Variants in PPP2R3B observed in about 807,000 individuals in gnomAD.
The protein encoded by PPP2R3B is protein phosphatase 2 regulatory subunit B''beta, also known as serine/threonine-protein phosphatase 2A regulatory subunit B'' subunit beta.
A neutral mutation model predicts 72.9 loss-of-function variants in PPP2R3B; 68 were observed. The observed-to-expected ratio is 0.93, with a 90% CI of 0.77 to 1.14. The LOEUF is 1.14. Among genes scored for constraint, PPP2R3B ranks in the 50% most tolerant of loss-of-function variants. The probability of loss-of-function intolerance (pLI) is 0.00; values close to 1 mark genes in which losing one functional copy is unlikely to be tolerated. For synonymous variants in PPP2R3B, 466 were observed against 375.8 expected (o/e 1.24, Z -2.78); for missense variants, 1,018 against 842.0 (o/e 1.21, Z -2.59).
chrX:346,089 GA>G (rs1380509022), intron 6 of PPP2R3B, 84 bp downstream of exon 6: 21 of 631,212 alleles, frequency 3.3e-5, no homozygotes, highest in Non-Finnish European at 4.3e-5. Context: ...GGGGAGGAGG[GA>G]GGGGGGAGGA....
In PPP2R3B at chrX:334,264, C is replaced by T. The variant is rs764092405; in HGVS notation, c.*103G>A. ...GTGAATAAATAAAAGTTTATCATTC[C>T]GTACAAACGCACTCATTTTCCACAA... On this transcript the variant is annotated 3_prime_UTR_variant, in exon 13 of 13. Transcript: ENST00000390665. The T allele has an allele frequency of 2.8e-4, 354 of 1,262,836 alleles. 1 individual carries two copies. Among genetic ancestry groups the T allele is most frequent in the Middle Eastern group, 1.2e-3 (4 of 3,436 alleles). 78.2% of individuals were successfully genotyped at this position (1,262,836 alleles called of 1,614,324 possible).
intron 1 of PPP2R3B, among the ~76,000 whole-genome samples, chrX:371,589 C>T (rs2071865801): frequency 6.6e-6 from 1 of 152,074 alleles, no homozygotes; most frequent in Non-Finnish European, 1.5e-5. Context: ...CCAACGTTGG[C>T]CGTGGAAGGC....
chrX:372,100 T>C (rs745548169), intron 1 of PPP2R3B, among the ~76,000 whole-genome samples: 3 of 152,212 alleles, frequency 2.0e-5, no homozygotes, highest in East Asian at 3.9e-4. Context: ...AATCACCTCA[T>C]TGACTCTGCG....
chrX:380,411 G>A (rs1159174336), intron 1 of PPP2R3B, among the ~76,000 whole-genome samples: 4 of 152,248 alleles, frequency 2.6e-5, no homozygotes, highest in South Asian at 2.1e-4. Flanking sequence ...ACAGACGCTC[G>A]ACAGTGGGAA....
intron 1 of PPP2R3B, among the ~76,000 whole-genome samples, chrX:385,320 C>CTTTTTTTTT (rs1178231888): frequency 9.3e-5 from 7 of 75,658 alleles, no homozygotes; most frequent in East Asian, 4.2e-4. Context: ...TTTTAGTTTT[C>CTTTTTTTTT]TTTTTTTTTT....
In PPP2R3B at chrX:369,360, C is replaced by A. The variant is rs757255674; in HGVS notation, c.325-7770G>T. Among the ~76,000 whole-genome samples the A allele has an allele frequency of 2.0e-5, 3 of 152,304 alleles. No homozygotes were observed. The East Asian group carries it at 5.8e-4, about 29-fold the overall frequency. On this transcript the variant is annotated intron_variant, in intron 1 of 12. Transcript: ENST00000390665. The stretch of plus-strand genomic sequence containing the variant: ...CGTAAAGAGCCCGTCACCCAAAGCG[C>A]ACTGATAAAGGCGACACCCTGACTC...
intron 2 of PPP2R3B, among the ~76,000 whole-genome samples, chrX:355,806 TGGGATGA>T (rs1269039574): frequency 3.9e-5 from 6 of 152,114 alleles, no homozygotes; most frequent in African/African-American, 1.4e-4. Flanking sequence ...TGAGGTAGCG[TGGGATGA>T]GGGCAGGTGC....
At chrX:341,718 CA>C (rs1672945521) in intron 8 of PPP2R3B, 164 bp downstream of exon 8, 1 of 797,594 alleles carries the variant, frequency 1.3e-6, no homozygotes, top group Non-Finnish European at 2.1e-6. Context: ...CACCCCCCCC[CA>C]CTAGGGATTC....
chrX:338,475 C>G (rs1201585733), intron 12 of PPP2R3B, 129 bp downstream of exon 12: 5 of 937,864 alleles, frequency 5.3e-6, no homozygotes, highest in Non-Finnish European at 4.9e-6. Context: ...CCTCTGTGTC[C>G]GCGCACCCCA....
Position 341,704 on chromosome X carries a change from G to T in PPP2R3B, c.1085+179C>A, listed in dbSNP as rs929981405. ...TCCTCAGACTTCGCGTGACAGTCTT[G>T]TGCCACCCCCCCCCACTAGGGATTC... is the stretch of plus-strand genomic sequence containing the variant. On this transcript the variant is annotated intron_variant, in intron 8 of 12. Coordinates refer to ENST00000390665, the MANE Select transcript of PPP2R3B (RefSeq NM_013239.5). 129 of 746,560 alleles carry T rather than the reference G, an allele frequency of 1.7e-4. No individual in the cohort carries two copies. In the African/African-American group the frequency reaches 2.6e-3, roughly 15 times the overall value. The allele number at this position is 746,560 out of a possible 1,614,324, so 46.2% of individuals were successfully genotyped here.
intron 1 of PPP2R3B, among the ~76,000 whole-genome samples, chrX:371,656 G>A (rs1221078256): frequency 2.0e-5 from 3 of 152,124 alleles, no homozygotes; most frequent in Admixed American, 2.0e-4. Context: ...GGGAGCGTCC[G>A]AAGGCGGAGG....
At chrX:345,812 G>C in intron 6 of PPP2R3B, 140 bp from the exon 7 acceptor site, 1 of 618,874 alleles carries the variant, frequency 1.6e-6, no homozygotes, top group Non-Finnish European at 2.4e-6. Context: ...TGGGGCCGGG[G>C]GGCACTCCGA....
chrX:346,255 G>C lies in PPP2R3B; in HGVS notation c.798C>G (p.Ile266Met), dbSNP rs906671492. 2.6e-6 allele frequency: 4 copies of C among 1,566,638 alleles called. No homozygotes were observed. The African/African-American group carries it at 5.4e-5, about 21-fold the overall frequency. Residue 266 changes from isoleucine (I) to methionine (M), a missense_variant, in exon 6 of 13, where the codon ATC (isoleucine) becomes ATG (methionine). By Grantham distance (10) the Ile-to-Met change is conservative. Transcript: ENST00000390665. ...GGTTCACGGCGTAGAAGATCCGCTG[G>C]ATGACCTGCGGGGGCGCTGTCAGTG... ...EFHSRYITTV[I>M]QRIFYAVNRS...
Position 334,217 on chromosome X carries a change from C to G in PPP2R3B, c.*150G>C. Reference sequence around the variant, plus strand: ...CTGGGCAGGTCCAGCCACGAACCCACAGCGGCAATCAACACGCTTCTGTGA... The same window carrying G: ...CTGGGCAGGTCCAGCCACGAACCCAGAGCGGCAATCAACACGCTTCTGTGA... On this transcript the variant is annotated 3_prime_UTR_variant, in exon 13 of 13. Coordinates refer to ENST00000390665, the MANE Select transcript of PPP2R3B (RefSeq NM_013239.5). 2.0e-6 allele frequency: 2 copies of G among 986,340 alleles called. No individual in the cohort carries two copies. Among genetic ancestry groups the G allele is most frequent in the Non-Finnish European group, 2.7e-6 (2 of 731,516 alleles). 61.1% of individuals were successfully genotyped at this position (986,340 alleles called of 1,614,324 possible). A position where few individuals can be genotyped will look rare whatever the true frequency, so the allele number is the denominator to read the frequency against.
At chrX:376,092 G>A (rs1227221478) in intron 1 of PPP2R3B, among the ~76,000 whole-genome samples, 1 of 152,096 alleles carries the variant, frequency 6.6e-6, no homozygotes, top group African/African-American at 2.4e-5. Flanking sequence ...TTGGGAGGCT[G>A]AGGGAGAAGA....
At position 340,900 on chromosome X, in the gene PPP2R3B, C is replaced by T. The variant is rs774515110; in HGVS notation, c.1216G>A (p.Gly406Ser). The change falls in exon 10 of 13, where the codon GGC (glycine) becomes AGC (serine). Residue 406 changes from glycine (G) to serine (S), a missense_variant. By Grantham distance (56) the Gly-to-Ser change is moderately conservative. Transcript: ENST00000390665. ...WFRCMDLDGD[G>S]ALSMFELEYF... ...TCGAGCTCGAACATGGACAGGGCGCCGTCCCCGTCCAGGTCCATGCAGCGG... is the reference window on the plus strand; with the variant it reads ...TCGAGCTCGAACATGGACAGGGCGCTGTCCCCGTCCAGGTCCATGCAGCGG... The T allele has an allele frequency of 6.8e-6, 11 of 1,611,974 alleles. No individual in the cohort carries two copies. Among genetic ancestry groups the T allele is most frequent in the East Asian group, 4.5e-5 (2 of 44,846 alleles).
rs62581462 is a variant in PPP2R3B at position 340,647 on chromosome X, G to A, written c.1351+118C>T. The stretch of plus-strand genomic sequence containing the variant: ...TCCCTCCCGTCCGTCCCCTCTCCCT[G>A]GGCTGTCATCCGTCCCCTCTCCCTG... On this transcript the variant is annotated intron_variant, in intron 10 of 12. Transcript: ENST00000390665. The A allele has an allele frequency of 7.7e-6, 2 of 259,698 alleles. 1 individual carries two copies. The highest frequency in any genetic ancestry group is 1.2e-5 in the Non-Finnish European group (2 of 164,082). 16.1% of individuals were successfully genotyped at this position (259,698 alleles called of 1,614,324 possible).
chrX:344,213 G>A (rs1230062008), intron 7 of PPP2R3B, among the ~76,000 whole-genome samples: 1 of 90,742 alleles, frequency 1.1e-5, no homozygotes, highest in African/African-American at 3.5e-5. Context: ...AACGGGAGGC[G>A]GGATTGAGAC....
intron 3 of PPP2R3B, 110 bp from the exon 4 acceptor site, chrX:347,446 CCA>C: frequency 7.4e-7 from 1 of 1,345,188 alleles, no homozygotes; most frequent in African/African-American, 1.4e-5. Flanking sequence ...TGGCAGGTGG[CCA>C]CACACGACGG....
Sources: allele counts gnomAD v4.1 joint callset (sites outside exome capture counted in the v4.1 genomes callset), GRCh38; gene constraint gnomAD v4.1.1; transcripts MANE v1.5; gene names NCBI Gene and HGNC (gene_info 2026-07-23, HGNC 2026-07-21).